The following ECT2L variants were observed in gnomAD, a reference collection of about 807,000 sequenced individuals.
ECT2L encodes the protein epithelial cell transforming 2 like, also known as epithelial cell-transforming sequence 2 oncogene-like.
In ECT2L, 126 loss-of-function variants were observed where a neutral mutation model predicts 122.8. That is an observed-to-expected ratio of 1.03 (90% CI 0.89 to 1.19). The LOEUF is 1.19. Ranked by LOEUF, ECT2L falls within the 50% of genes most tolerant of loss-of-function variation. The probability of loss-of-function intolerance (pLI) is 0.00; values close to 1 mark genes in which losing one functional copy is unlikely to be tolerated. For missense variants in ECT2L, 1,012 were observed against 1,064.1 expected, an observed-to-expected ratio of 0.95 and a Z score of 0.68; for synonymous variants, 385 against 381.8, an observed-to-expected ratio of 1.01 and a Z score of -0.10.
At chr6:138,881,491 G>A (rs1333297590) in intron 15 of ECT2L, among the ~76,000 whole-genome samples, 2 of 151,902 alleles carry the variant, frequency 1.3e-5, no homozygotes, top group African/African-American at 2.4e-5. Flanking sequence ...AGCAGGGGTG[G>A]GGGGAATGGT....
At chr6:138,888,314 TTTC>T (rs1362222337) in intron 19 of ECT2L, among the ~76,000 whole-genome samples, 55 of 123,066 alleles carry the variant, frequency 4.5e-4, no homozygotes, top group Admixed American at 4.5e-4. Context: ...TTCTTTTTCT[TTTC>T]TTTTTTTTTT....
chr6:138,879,169 T>A, intron 14 of ECT2L: 1 of 264,970 alleles, frequency 3.8e-6, no homozygotes, highest in South Asian at 4.0e-5. Flanking sequence ...TCCGCCTCAT[T>A]GACAAGCCTT....
Position 138,865,104 on chromosome 6 carries a change from C to A in ECT2L, c.1400C>A (p.Thr467Asn). 1 of 1,614,036 alleles carries A rather than the reference C, an allele frequency of 6.2e-7. No individual in the cohort carries two copies. The highest frequency in any genetic ancestry group is 8.5e-7 in the Non-Finnish European group (1 of 1,179,982). Residue 467 changes from threonine to asparagine, a missense_variant, in exon 12 of 22, where the codon ACC becomes AAC. Physicochemically the swap from Thr to Asn is moderately conservative, Grantham distance 65 (BLOSUM62 0). Transcript: ENST00000541398. ...AGCTTCACAGACTTCCTAGAAGAAA[C>A]CTTGAAAACAGTAAGGAAGCAGCTG... ...WSSFTDFLEETLKTVRKQLYP... is the reference protein window; with the variant it reads ...WSSFTDFLEENLKTVRKQLYP...
chr6:138,837,773 G>T (rs1776891729), intron 4 of ECT2L, among the ~76,000 whole-genome samples: 1 of 151,828 alleles, frequency 6.6e-6, no homozygotes, highest in Admixed American at 6.6e-5. Flanking sequence ...ATAGTGAAAA[G>T]GTTTTATAGT....
rs187901978 is a variant in ECT2L at position 138,845,464 on chromosome 6, A to C, written c.764+884A>C. 6.5e-3 allele frequency among the ~76,000 whole-genome samples: 986 copies of C among 152,138 alleles called. 9 individuals carry two copies. The highest frequency in any genetic ancestry group is 9.8e-3 in the Non-Finnish European group (668 of 67,994). On this transcript the variant is annotated intron_variant, in intron 7 of 21. Transcript: ENST00000541398. ...TCACCGTATTGGCCAGGCTGGTCTC[A>C]AACTCCTGACCTCAGGTGATCCACC... is the stretch of plus-strand genomic sequence containing the variant.
Position 138,880,956 on chromosome 6 carries a change from G to A in ECT2L, c.1666-1G>A, listed in dbSNP as rs746725992. ...CTTGAGTTCTTAACACTTCTCTACA[G>A]GAGAGAATACTCCAGAAGGACTCAG... On this transcript the variant is annotated splice_acceptor_variant, in intron 14 of 21. Transcript: ENST00000541398. LOFTEE classifies it high-confidence loss of function. 9.2e-5 allele frequency: 148 copies of A among 1,613,066 alleles called. 7 individuals carry two copies. In the South Asian group the frequency reaches 1.5e-3, roughly 17 times the overall value.
chr6:138,849,241 CT>C, intron 8 of ECT2L, 27 bp from the exon 9 acceptor site: 1 of 1,570,546 alleles, frequency 6.4e-7, no homozygotes, highest in Admixed American at 1.9e-5. Flanking sequence ...TGGGTCTTGG[CT>C]CTTACAGCTT....
chr6:138,894,849 A>T (rs946156121), intron 20 of ECT2L, among the ~76,000 whole-genome samples: 2 of 152,214 alleles, frequency 1.3e-5, no homozygotes, highest in African/African-American at 4.8e-5. Context: ...AGCTTAGCCC[A>T]AATAAACTCT....
chr6:138,854,494 CCTGCCGCCTT>C (rs1251383289), intron 10 of ECT2L, among the ~76,000 whole-genome samples: 1 of 152,056 alleles, frequency 6.6e-6, no homozygotes, highest in Non-Finnish European at 1.5e-5. Flanking sequence ...GAAAACACCC[CCTGCCGCCTT>C]CTGAACCTGG....
chr6:138,871,501 T>C (rs1314014467), intron 13 of ECT2L, among the ~76,000 whole-genome samples: 1 of 152,186 alleles, frequency 6.6e-6, no homozygotes, highest in Non-Finnish European at 1.5e-5. Context: ...GCACACGGCC[T>C]GCCGTCATTA....
chr6:138,849,182 G>T (rs571119233), intron 8 of ECT2L, 87 bp from the exon 9 acceptor site: 2 of 1,264,914 alleles, frequency 1.6e-6, no homozygotes, highest in Non-Finnish European at 2.1e-6. Flanking sequence ...AAATCACGGC[G>T]TATTTTGTAT....
chr6:138,881,811 C>A (rs77790746), intron 15 of ECT2L, among the ~76,000 whole-genome samples: 2 of 152,038 alleles, frequency 1.3e-5, no homozygotes, highest in African/African-American at 4.8e-5. Context: ...CAACAGGGAG[C>A]GGTTGTAAAT....
intron 1 of ECT2L, among the ~76,000 whole-genome samples, chr6:138,811,689 T>G (rs922054107): frequency 6.6e-6 from 1 of 152,104 alleles, no homozygotes; most frequent in African/African-American, 2.4e-5. Flanking sequence ...TTTATTTTTT[T>G]GAGATGGACT....
chr6:138,855,554 C>A (rs761736614), intron 10 of ECT2L, among the ~76,000 whole-genome samples: 9 of 152,000 alleles, frequency 5.9e-5, no homozygotes, highest in Non-Finnish European at 8.8e-5. Context: ...AGGAAATATA[C>A]CAAAATATTA....
intron 12 of ECT2L, among the ~76,000 whole-genome samples, chr6:138,867,678 A>AAAG: frequency 7.7e-6 from 1 of 130,670 alleles, no homozygotes; most frequent in Non-Finnish European, 1.7e-5. Context: ...AAAAAAAAAA[A>AAAG]TTTAGCTGGG....
intron 4 of ECT2L, among the ~76,000 whole-genome samples, chr6:138,816,880 T>C (rs1776087866): frequency 6.6e-6 from 1 of 152,198 alleles, no homozygotes; most frequent in African/African-American, 2.4e-5. Context: ...AGTTGTGTGA[T>C]CATCATCACA....
At chr6:138,863,813 A>C (rs1777925979) in intron 11 of ECT2L, among the ~76,000 whole-genome samples, 1 of 150,302 alleles carries the variant, frequency 6.7e-6, no homozygotes, top group Non-Finnish European at 1.5e-5. Flanking sequence ...ACGGGGTTTC[A>C]CCATGTTGGC....
chr6:138,842,738 C>T (rs1361743296), intron 5 of ECT2L, among the ~76,000 whole-genome samples: 1 of 152,184 alleles, frequency 6.6e-6, no homozygotes, highest in Non-Finnish European at 1.5e-5. Flanking sequence ...TGCCACTGCA[C>T]TCCAGCCTGG....
chr6:138,873,872 C>CTGTGTGTGTGTGTG lies in ECT2L; in HGVS notation c.1579-2570_1579-2557dup, dbSNP rs57839466. On this transcript the variant is annotated intron_variant, in intron 13 of 21. Coordinates refer to ENST00000541398, the MANE Select transcript of ECT2L (RefSeq NM_001077706.3). Reference sequence around the variant, plus strand: ...TACGGATTATCTGTCAAATCCAGGACTGTGTGTGTGTGTGTGTGTGTGTGT... The same window carrying CTGTGTGTGTGTGTG: ...TACGGATTATCTGTCAAATCCAGGACTGTGTGTGTGTGTGTGTGTGTGTGTGTGTGTGTGTGTGT... 5.8e-3 allele frequency among the ~76,000 whole-genome samples: 413 copies of CTGTGTGTGTGTGTG among 71,358 alleles called. 2 individuals carry two copies. Among genetic ancestry groups the CTGTGTGTGTGTGTG allele is most frequent in the Non-Finnish European group, 7.4e-3 (268 of 36,090 alleles). 46.8% of individuals were successfully genotyped at this position (71,358 alleles called of 152,430 possible). A position where few individuals can be genotyped will look rare whatever the true frequency, so the allele number is the denominator to read the frequency against.
Sources: gnomAD v4.1 joint callset for allele counts (sites outside exome capture counted in the v4.1 genomes callset) on GRCh38, gnomAD v4.1.1 for gene constraint, MANE v1.5 for transcripts, NCBI Gene and HGNC (gene_info 2026-07-23, HGNC 2026-07-21) for gene names.